TERF2: variants seen among roughly 807,000 people sequenced by gnomAD.
TERF2 encodes the protein telomeric repeat binding factor 2, also known as telomeric repeat-binding factor 2.
A neutral mutation model predicts 56.1 loss-of-function variants in TERF2; 16 were observed. The observed-to-expected ratio is 0.29, with a 90% CI of 0.19 to 0.43. TERF2 has a LOEUF of 0.43. TERF2 is among the 20% of genes least tolerant of loss of function. The pLI is 1.00. For synonymous variants in TERF2, 296 were observed against 282.1 expected (o/e 1.05, Z -0.50); for missense variants, 547 against 712.9 (o/e 0.77, Z 2.65).
Position 69,356,671 on chromosome 16 carries a change from G to A in TERF2, c.*227C>T, listed in dbSNP as rs1597236546. 2.4e-6 allele frequency: 1 copy of A among 416,346 alleles called. No individual in the cohort carries two copies. Among genetic ancestry groups the A allele is most frequent in the South Asian group, 3.5e-5 (1 of 28,400 alleles). The allele number at this position is 416,346 out of a possible 1,614,324, so 25.8% of individuals were successfully genotyped here. On this transcript the variant is annotated 3_prime_UTR_variant, in exon 10 of 10. Coordinates refer to ENST00000254942, the MANE Select transcript of TERF2 (RefSeq NM_005652.5). ...AAACATTAGCCGGGCGTGATGGCGG[G>A]CGCCTGTAGTCCCAGCTACTCGGGA...
At chr16:69,377,951 A>G (rs149252502) in intron 3 of TERF2, among the ~76,000 whole-genome samples, 5 of 151,712 alleles carry the variant, frequency 3.3e-5, no homozygotes, top group African/African-American at 1.2e-4. Flanking sequence ...CCCTTGCCTT[A>G]TTGCACTGGT....
At chr16:69,382,182 T>C (rs1328879580) in intron 3 of TERF2, among the ~76,000 whole-genome samples, 2 of 152,226 alleles carry the variant, frequency 1.3e-5, no homozygotes, top group African/African-American at 4.8e-5. Flanking sequence ...CAGAGATCCC[T>C]AGACCATGCA....
At chr16:69,379,088 T>C (rs1341680433) in intron 3 of TERF2, among the ~76,000 whole-genome samples, 2 of 152,084 alleles carry the variant, frequency 1.3e-5, no homozygotes, top group African/African-American at 2.4e-5. Context: ...ATAAGTTAAA[T>C]AAAAGGGAAA....
chr16:69,384,512 T>A (rs1393198977), intron 3 of TERF2, 68 bp downstream of exon 3: 8 of 1,538,678 alleles, frequency 5.2e-6, no homozygotes, highest in Non-Finnish European at 1.8e-6. Context: ...CAGTAAAGAG[T>A]AAGTGCTGTA....
intron 3 of TERF2, among the ~76,000 whole-genome samples, chr16:69,374,927 T>C (rs2013720036): frequency 6.6e-6 from 1 of 152,094 alleles, no homozygotes; most frequent in Non-Finnish European, 1.5e-5. Flanking sequence ...ATTGCGCCAC[T>C]GCACTCCAGC....
At chr16:69,385,262 G>T in intron 2 of TERF2, 129 bp downstream of exon 2, 2 of 758,888 alleles carry the variant, frequency 2.6e-6, no homozygotes, top group East Asian at 2.6e-5. Context: ...CAGACCCATC[G>T]TAGAATGAAA....
intron 3 of TERF2, among the ~76,000 whole-genome samples, chr16:69,373,689 C>CA (rs1236332361): frequency 6.6e-6 from 1 of 152,102 alleles, no homozygotes; most frequent in East Asian, 1.9e-4. Context: ...CCCACCTACC[C>CA]AGGCATGTTG....
At chr16:69,379,799 G>A (rs1205433392) in intron 3 of TERF2, among the ~76,000 whole-genome samples, 1 of 152,122 alleles carries the variant, frequency 6.6e-6, no homozygotes, top group Non-Finnish European at 1.5e-5. Context: ...AATGAGAAGG[G>A]TGACATTTGT....
intron 5 of TERF2, among the ~76,000 whole-genome samples, chr16:69,370,009 C>T (rs774112339): frequency 9.2e-5 from 14 of 152,246 alleles, no homozygotes; most frequent in Non-Finnish European, 1.5e-4. Context: ...TTGCCTCTGC[C>T]AGTATCTCTG....
At chr16:69,367,238 C>T (rs2013387145) in intron 6 of TERF2, 39 bp from the exon 7 acceptor site, 1 of 1,549,644 alleles carries the variant, frequency 6.5e-7, no homozygotes, top group South Asian at 1.2e-5. Context: ...TTTTTCACCA[C>T]TGATGATGCT....
intron 3 of TERF2, among the ~76,000 whole-genome samples, chr16:69,374,716 C>T (rs2013709958): frequency 7.4e-6 from 1 of 135,694 alleles, no homozygotes; most frequent in Non-Finnish European, 1.5e-5. Context: ...GCCTGTAATC[C>T]CAGCACTTTG....
chr16:69,372,193 G>A, intron 4 of TERF2, 76 bp downstream of exon 4: 2 of 1,037,256 alleles, frequency 1.9e-6, no homozygotes, highest in Non-Finnish European at 2.9e-6. Context: ...TCCTGACCAA[G>A]AACCCTTTCC....
intron 2 of TERF2, 151 bp downstream of exon 2, chr16:69,385,240 C>A: frequency 1.5e-6 from 1 of 657,284 alleles, no homozygotes; most frequent in Non-Finnish European, 2.6e-6. Context: ...TAGAGCCAGT[C>A]GAGCCAGAAA....
chr16:69,356,181 G>A lies in TERF2; in HGVS notation c.*717C>T, dbSNP rs1007335693. The A allele has an allele frequency of 9.0e-5, 41 of 455,340 alleles. 1 individual carries two copies. The highest frequency in any genetic ancestry group is 5.8e-4 in the African/African-American group (29 of 50,022). 28.2% of individuals were successfully genotyped at this position (455,340 alleles called of 1,614,324 possible). A position where few individuals can be genotyped will look rare whatever the true frequency, so the allele number is the denominator to read the frequency against. Reference sequence around the variant, plus strand: ...CATCAGAAGGCCAGAACTTGACGTGGAACAAATTTACTCCAAATAATACTC... The same window carrying A: ...CATCAGAAGGCCAGAACTTGACGTGAAACAAATTTACTCCAAATAATACTC... On this transcript the variant is annotated 3_prime_UTR_variant, in exon 10 of 10. Transcript: ENST00000254942.
chr16:69,375,420 T>C (rs1261705461), intron 3 of TERF2, among the ~76,000 whole-genome samples: 1 of 152,168 alleles, frequency 6.6e-6, no homozygotes, highest in Non-Finnish European at 1.5e-5. Context: ...AAAAATAGGC[T>C]AGGTGTGGTG....
intron 3 of TERF2, among the ~76,000 whole-genome samples, chr16:69,376,009 G>A (rs771414222): frequency 2.0e-5 from 3 of 152,034 alleles, no homozygotes; most frequent in Non-Finnish European, 4.4e-5. Flanking sequence ...CCAACCTGTC[G>A]ATTGCTTTTC....
rs1434342134 is a variant in TERF2, at chr16:69,385,941, C to T, written c.31G>A (p.Ala11Thr). 9 of 1,362,892 alleles carry T rather than the reference C, an allele frequency of 6.6e-6. No homozygotes were observed. The highest frequency in any genetic ancestry group is 9.5e-7 in the Non-Finnish European group (1 of 1,057,536). The allele number at this position is 1,362,892 out of a possible 1,614,324, so 84.4% of individuals were successfully genotyped here. The change falls in exon 1 of 10, where the codon GCT (alanine) becomes ACT (threonine). Residue 11 changes from alanine (A) to threonine (T), a missense_variant. Ala to Thr is a moderately conservative substitution (Grantham distance 58, BLOSUM62 0). Around this residue, in one of 6 missense-constraint regions of TERF2, gnomAD observed 85 missense variants for 59.5 expected, o/e 1.43. Transcript: ENST00000254942. Reference sequence around the variant, plus strand: ...TCACGCACGACGCCCGGGCCGGAAGCGGGGCCCGCCGTCCCGGCTCCCGCG... The same window carrying T: ...TCACGCACGACGCCCGGGCCGGAAGTGGGGCCCGCCGTCCCGGCTCCCGCG... MAAGAGTAGP[A>T]SGPGVVRDPA...
At chr16:69,361,960 C>T (rs2013161703) in intron 7 of TERF2, among the ~76,000 whole-genome samples, 1 of 101,336 alleles carries the variant, frequency 9.9e-6, no homozygotes, top group African/African-American at 3.8e-5. Flanking sequence ...AGAGTCTCTG[C>T]CGCTAGGCTC....
rs368936598 is a variant in TERF2, at chr16:69,370,619, T to C, written c.704A>G (p.Asn235Ser). The change falls in exon 5 of 10, where the codon AAT becomes AGT. Residue 235 changes from asparagine (N) to serine (S), a missense_variant. Asn to Ser is a conservative substitution (Grantham distance 46, BLOSUM62 1). Around this residue, in one of 6 missense-constraint regions of TERF2, gnomAD observed 97 missense variants for 157.0 expected, o/e 0.62. Coordinates refer to ENST00000254942, the MANE Select transcript of TERF2 (RefSeq NM_005652.5). ...SKDPTTQKLR[N>S]DLLNIIREKN... ...TTCTCGAATAATATTCAGGAGATCATTTCTCAGCTTCTACACAATGGACCG... is the reference window on the plus strand; with the variant it reads ...TTCTCGAATAATATTCAGGAGATCACTTCTCAGCTTCTACACAATGGACCG... 21 of 1,609,626 alleles carry C rather than the reference T, an allele frequency of 1.3e-5. No homozygotes were observed. The African/African-American group carries it at 2.7e-4, about 21-fold the overall frequency.
Sources: allele counts gnomAD v4.1 joint callset (sites outside exome capture counted in the v4.1 genomes callset), GRCh38; gene constraint gnomAD v4.1.1; regional missense constraint gnomAD v4.1.1; transcripts MANE v1.5; gene names NCBI Gene and HGNC (gene_info 2026-07-23, HGNC 2026-07-21).